The following CACNA2D1 variants were observed in gnomAD, a reference collection of about 807,000 sequenced individuals.
The protein encoded by CACNA2D1 is calcium voltage-gated channel auxiliary subunit alpha2delta 1, also known as voltage-dependent calcium channel subunit alpha-2/delta-1.
A neutral mutation model predicts 171.5 loss-of-function variants in CACNA2D1; 53 were observed. The ratio of observed to expected loss-of-function variants is 0.31; its 90% CI spans 0.25 to 0.39. CACNA2D1 has a LOEUF of 0.39. Among genes scored for constraint, CACNA2D1 ranks in the 10% least tolerant of loss-of-function variants. The pLI, the probability that CACNA2D1 is intolerant of heterozygous loss-of-function variation, is 1.00. For missense variants in CACNA2D1, 903 were observed against 1,299.8 expected (o/e 0.69, Z 4.69); for synonymous variants, 442 against 443.1 (o/e 1.00, Z 0.03).
chr7:82,435,264 C>T (rs895593017), intron 1 of CACNA2D1, among the ~76,000 whole-genome samples: 1 of 152,042 alleles, frequency 6.6e-6, no homozygotes, highest in East Asian at 1.9e-4. Flanking sequence ...CTCGATCTCT[C>T]CTGACCTCAT....
intron 6 of CACNA2D1, among the ~76,000 whole-genome samples, chr7:82,107,062 G>A (rs1239306921): frequency 6.6e-6 from 1 of 152,068 alleles, no homozygotes; most frequent in Non-Finnish European, 1.5e-5. Context: ...AGATAAATTT[G>A]TAATGAAATA....
rs780560452 is a variant in CACNA2D1 at position 81,959,730 on chromosome 7, C to T, written c.3066G>A (p.Ala1022=). ...GATGTCAAAGGATACAAGTCTGCTC[C>T]GCTTGTATGAGCAGTCGTGTGTCAC... is the stretch of plus-strand genomic sequence containing the variant. The part of the protein sequence containing the change: ...CPCDTRLLIQ[A]EQTSDGPNPC... Residue 1022 remains alanine, a synonymous_variant, in exon 37 of 39, where the codon GCG becomes GCA. Coordinates refer to ENST00000356860, the MANE Select transcript of CACNA2D1 (RefSeq NM_000722.4). 38 of 1,611,892 alleles carry T rather than the reference C, an allele frequency of 2.4e-5. No homozygotes were observed. The highest frequency in any genetic ancestry group is 1.6e-4 in the Middle Eastern group (1 of 6,074).
chr7:82,348,587 C>T (rs1585600745), intron 2 of CACNA2D1, among the ~76,000 whole-genome samples: 1 of 152,270 alleles, frequency 6.6e-6, no homozygotes, highest in East Asian at 1.9e-4. Flanking sequence ...TCAACACTCT[C>T]TACAGTTGTT....
chr7:82,303,979 T>C (rs192336819), intron 3 of CACNA2D1, among the ~76,000 whole-genome samples: 3 of 152,058 alleles, frequency 2.0e-5, no homozygotes. Context: ...GGGACTAATA[T>C]CAAGGATATA....
chr7:82,312,416 A>C (rs114075445), intron 3 of CACNA2D1, among the ~76,000 whole-genome samples: 2,652 of 152,270 alleles, frequency 0.017, 78 homozygotes, highest in African/African-American at 0.061. Flanking sequence ...GGAGCTGGAC[A>C]ATCTGTCATA....
At chr7:82,228,419 T>C (rs1802573919) in intron 3 of CACNA2D1, among the ~76,000 whole-genome samples, 1 of 152,048 alleles carries the variant, frequency 6.6e-6, no homozygotes, top group South Asian at 2.1e-4. Context: ...TAAATGGCCA[T>C]TGCTTTAAGC....
rs17240798 is a variant in CACNA2D1 at position 81,974,755 on chromosome 7, C to T, written c.1956-203G>A. On this transcript the variant is annotated intron_variant, in intron 24 of 38. Transcript: ENST00000356860. ...GTGATTATAGGCAATATGAATTAAA[C>T]GTTTGGCCTTTGGACAGTAGGTGCT... Among the ~76,000 whole-genome samples, 1,747 of 140,948 alleles carry T rather than the reference C, an allele frequency of 0.012. 18 individuals carry two copies. The highest frequency in any genetic ancestry group is 0.019 in the Non-Finnish European group (1,266 of 65,420). 92.5% of individuals were successfully genotyped at this position (140,948 alleles called of 152,430 possible). A position where few individuals can be genotyped will look rare whatever the true frequency, so the allele number is the denominator to read the frequency against.
chr7:82,134,028 G>T (rs182569494), intron 5 of CACNA2D1, among the ~76,000 whole-genome samples: 2 of 151,660 alleles, frequency 1.3e-5, no homozygotes, highest in East Asian at 1.9e-4. Context: ...AACCGAGATC[G>T]CACCACTGTA....
intron 31 of CACNA2D1, among the ~76,000 whole-genome samples, chr7:81,966,637 A>G (rs1401809617): frequency 1.3e-5 from 2 of 151,310 alleles, no homozygotes; most frequent in Non-Finnish European, 3.0e-5. Flanking sequence ...CAAAGTTCAC[A>G]TTTCCTTTTT....
At chr7:82,084,076 A>C (rs1406286052) in intron 7 of CACNA2D1, among the ~76,000 whole-genome samples, 1 of 152,182 alleles carries the variant, frequency 6.6e-6, no homozygotes, top group Non-Finnish European at 1.5e-5. Flanking sequence ...ACACCAGTAG[A>C]CATTTCACTT....
intron 3 of CACNA2D1, among the ~76,000 whole-genome samples, chr7:82,232,718 G>T (rs1414611575): frequency 2.6e-5 from 4 of 151,748 alleles, no homozygotes; most frequent in Non-Finnish European, 5.9e-5. Context: ...ACAAAAATTA[G>T]CCGGGCATGG....
chr7:82,134,181 G>A (rs1791343519), intron 5 of CACNA2D1, among the ~76,000 whole-genome samples: 1 of 152,094 alleles, frequency 6.6e-6, no homozygotes, highest in African/African-American at 2.4e-5. Flanking sequence ...AGTCATGAAT[G>A]CCATCTTCTT....
intron 34 of CACNA2D1, among the ~76,000 whole-genome samples, chr7:81,963,754 T>C (rs1794413050): frequency 6.6e-6 from 1 of 151,996 alleles, no homozygotes; most frequent in Admixed American, 6.6e-5. Context: ...GTAATGTTTT[T>C]ATAAATATTT....
chr7:82,323,893 T>C (rs1056164797), intron 3 of CACNA2D1, among the ~76,000 whole-genome samples: 1 of 152,214 alleles, frequency 6.6e-6, no homozygotes, highest in African/African-American at 2.4e-5. Flanking sequence ...GAACCTTCCA[T>C]TAAATAATTA....
At chr7:81,956,385 A>G (rs967175554) in intron 38 of CACNA2D1, among the ~76,000 whole-genome samples, 4 of 152,094 alleles carry the variant, frequency 2.6e-5, no homozygotes, top group African/African-American at 4.8e-5. Context: ...TAAAAATTCT[A>G]TGATTGACAG....
intron 7 of CACNA2D1, among the ~76,000 whole-genome samples, chr7:82,076,082 C>T (rs1459226219): frequency 6.6e-6 from 1 of 152,086 alleles, no homozygotes; most frequent in Admixed American, 6.6e-5. Flanking sequence ...ATGACTGCAT[C>T]CTTGGTTGAC....
chr7:82,111,991 T>C (rs567102463), intron 6 of CACNA2D1, among the ~76,000 whole-genome samples: 28 of 152,202 alleles, frequency 1.8e-4, no homozygotes, highest in Admixed American at 1.2e-3. Context: ...TTAACTAATA[T>C]ATATCAACTA....
At chr7:81,974,642 A>G (rs556197987) in intron 24 of CACNA2D1, 90 bp from the exon 25 acceptor site, 11 of 645,936 alleles carry the variant, frequency 1.7e-5, no homozygotes, top group Non-Finnish European at 1.9e-5. Context: ...TTTTTTTTTT[A>G]TTAGCCACAA....
chr7:82,128,072 C>T (rs1233300050), intron 5 of CACNA2D1, among the ~76,000 whole-genome samples: 1 of 151,628 alleles, frequency 6.6e-6, no homozygotes, highest in African/African-American at 2.4e-5. Flanking sequence ...TACAGGTGCA[C>T]CCCACCATGC....
Sources: allele counts gnomAD v4.1 joint callset (sites outside exome capture counted in the v4.1 genomes callset), GRCh38; gene constraint gnomAD v4.1.1; transcripts MANE v1.5; gene names NCBI Gene and HGNC (gene_info 2026-07-23, HGNC 2026-07-21).